ZBTB8OS: variants seen among roughly 807,000 people sequenced by gnomAD.
ZBTB8OS encodes the protein tRNA splicing ligase complex subunit 1.
Under a neutral mutation model 29.3 loss-of-function variants are expected in ZBTB8OS, and 16 were observed. That is an observed-to-expected ratio of 0.55 (90% CI 0.37 to 0.83). ZBTB8OS has a LOEUF of 0.83. Ranked by LOEUF, ZBTB8OS falls within the 40% of genes least tolerant of loss-of-function variation. ZBTB8OS has a pLI of 0.00. For synonymous variants in ZBTB8OS, 70 were observed against 64.6 expected (o/e 1.08, Z -0.40); for missense variants, 160 against 196.9 (o/e 0.81, Z 1.12).
chr1:32,647,467 G>A (rs1041625427), intron 1 of ZBTB8OS, among the ~76,000 whole-genome samples: 1 of 151,802 alleles, frequency 6.6e-6, no homozygotes, highest in African/African-American at 2.4e-5. Flanking sequence ...AGAAAGAAAG[G>A]GTCAATGCAG....
chr1:32,640,625 C>T (rs1646320838), intron 1 of ZBTB8OS, among the ~76,000 whole-genome samples: 1 of 152,108 alleles, frequency 6.6e-6, no homozygotes, highest in Admixed American at 6.6e-5. Context: ...AGTGATACTT[C>T]TGCCTCAAGT....
chr1:32,638,686 G>GTA (rs1646177973), intron 1 of ZBTB8OS, among the ~76,000 whole-genome samples: 1 of 151,968 alleles, frequency 6.6e-6, no homozygotes, highest in Non-Finnish European at 1.5e-5. Flanking sequence ...GCCAAGGTGG[G>GTA]TAGTTCACTT....
Position 32,634,733 on chromosome 1 carries a change from G to A in ZBTB8OS, c.122+35C>T, listed in dbSNP as rs201436670. Reference sequence around the variant, plus strand: ...TGAAACATTCAGTCTTCCTACTGACGTGGTTTCAAAGGAATGAACTCCCGC... The same window carrying A: ...TGAAACATTCAGTCTTCCTACTGACATGGTTTCAAAGGAATGAACTCCCGC... On this transcript the variant is annotated intron_variant, in intron 2 of 6. Transcript: ENST00000468695. 4.3e-5 allele frequency: 70 copies of A among 1,613,418 alleles called. No homozygotes were observed. In the Admixed American group the frequency reaches 6.7e-4, roughly 15 times the overall value.
chr1:32,649,724 G>T (rs1263509297), intron 1 of ZBTB8OS, among the ~76,000 whole-genome samples: 2 of 151,598 alleles, frequency 1.3e-5, no homozygotes, highest in Non-Finnish European at 1.5e-5. Context: ...GAGTGCAATG[G>T]GGCGATCTCG....
chr1:32,621,716 G>A lies in ZBTB8OS; in HGVS notation c.*146C>T, dbSNP rs1459441576. 6.2e-6 allele frequency: 4 copies of A among 649,552 alleles called. No individual in the cohort carries two copies. Among genetic ancestry groups the A allele is most frequent in the Non-Finnish European group, 1.0e-5 (4 of 382,460 alleles). 40.2% of individuals were successfully genotyped at this position (649,552 alleles called of 1,614,324 possible). A position where few individuals can be genotyped will look rare whatever the true frequency, so the allele number is the denominator to read the frequency against. On this transcript the variant is annotated 3_prime_UTR_variant, in exon 7 of 7. Coordinates refer to ENST00000468695, the MANE Select transcript of ZBTB8OS (RefSeq NM_178547.5). ...GGCTGTGCCCTGATTTTCCCTTTCT[G>A]AAAGTCACACTTTAACTAAAATATT...
intron 6 of ZBTB8OS, among the ~76,000 whole-genome samples, chr1:32,622,367 A>G (rs1302171408): frequency 6.6e-6 from 1 of 152,258 alleles, no homozygotes; most frequent in African/African-American, 2.4e-5. Context: ...TGTGACACAC[A>G]TACACCATAG....
chr1:32,634,656 T>C (rs1277561911), intron 2 of ZBTB8OS, 112 bp downstream of exon 2: 3 of 1,397,428 alleles, frequency 2.1e-6, no homozygotes, highest in South Asian at 1.2e-5. Flanking sequence ...ATTTTCATAT[T>C]GTGAAGGAAC....
At chr1:32,649,192 T>A (rs1257312322) in intron 1 of ZBTB8OS, among the ~76,000 whole-genome samples, 1 of 151,948 alleles carries the variant, frequency 6.6e-6, no homozygotes, top group African/African-American at 2.4e-5. Context: ...GGTCTGGAAC[T>A]CCTGACCTCA....
rs1028259150 is a variant in ZBTB8OS at position 32,621,144 on chromosome 1, TA to T, written c.*717del. The T allele has an allele frequency of 1.2e-4, 19 of 152,400 alleles. No individual in the cohort carries two copies. Among genetic ancestry groups the T allele is most frequent in the African/African-American group, 4.6e-4 (19 of 41,584 alleles). The allele number at this position is 152,400 out of a possible 1,614,324, so 9.4% of individuals were successfully genotyped here. On this transcript the variant is annotated 3_prime_UTR_variant, in exon 7 of 7. Coordinates refer to ENST00000468695, the MANE Select transcript of ZBTB8OS (RefSeq NM_178547.5). ...GGCCGGGCATGGTAGCTCATGCCTGTAATCGCAGTACCTTGGGAGGCCAAGG... is the reference window on the plus strand; with the variant it reads ...GGCCGGGCATGGTAGCTCATGCCTGTATCGCAGTACCTTGGGAGGCCAAGG...
At chr1:32,650,717 AC>A, upstream of ZBTB8OS, 1 of 987,178 alleles carries the variant, frequency 1.0e-6, no homozygotes, top group Non-Finnish European at 1.5e-6. Context: ...AAAAGCCAAA[AC>A]CCCATCTTCT....
rs71006347 is a variant in ZBTB8OS, at chr1:32,647,041, C to CAAAAAAAAAAAA, written c.97+3380_97+3391dup. On this transcript the variant is annotated intron_variant, in intron 1 of 6. Transcript: ENST00000468695. ...TGGGAGACAGAGCAAGATACTGTCT[C>CAAAAAAAAAAAA]AAAAAAAAAAAAAAAAAAAAAAAAA... Among the ~76,000 whole-genome samples, 9 of 39,394 alleles carry CAAAAAAAAAAAA rather than the reference C, an allele frequency of 2.3e-4. No homozygotes were observed. The East Asian group carries it at 4.5e-3, about 20-fold the overall frequency. The allele number at this position is 39,394 out of a possible 152,430, so 25.8% of individuals were successfully genotyped here. A position where few individuals can be genotyped will look rare whatever the true frequency, so the allele number is the denominator to read the frequency against.
At chr1:32,624,950 G>C (rs141309596) in intron 6 of ZBTB8OS, among the ~76,000 whole-genome samples, 3 of 150,164 alleles carry the variant, frequency 2.0e-5, no homozygotes, top group African/African-American at 7.4e-5. Context: ...GTAGCTGGGT[G>C]CAGTGGCTCA....
chr1:32,647,041 CAAAAAAAAAAA>C (rs71006347), intron 1 of ZBTB8OS, among the ~76,000 whole-genome samples: 24 of 39,388 alleles, frequency 6.1e-4, no homozygotes, highest in Non-Finnish European at 8.7e-4. Flanking sequence ...GATACTGTCT[CAAAAAAAAAAA>C]AAAAAAAAAA....
At chr1:32,647,005 G>A (rs939235860) in intron 1 of ZBTB8OS, among the ~76,000 whole-genome samples, 2 of 118,730 alleles carry the variant, frequency 1.7e-5, no homozygotes, top group African/African-American at 6.2e-5. Context: ...TGGTGCCACT[G>A]CACTCCAGCC....
intron 1 of ZBTB8OS, among the ~76,000 whole-genome samples, chr1:32,645,381 A>G (rs1277705836): frequency 6.6e-6 from 1 of 152,022 alleles, no homozygotes; most frequent in Non-Finnish European, 1.5e-5. Flanking sequence ...CATAGACAGT[A>G]GTCCCATCTA....
chr1:32,640,243 C>T (rs1374476338), intron 1 of ZBTB8OS, among the ~76,000 whole-genome samples: 1 of 151,986 alleles, frequency 6.6e-6, no homozygotes, highest in Admixed American at 6.6e-5. Context: ...ATTACAGGCG[C>T]ACGCCACCAC....
Position 32,621,791 on chromosome 1 carries a change from C to A in ZBTB8OS, c.*71G>T. The A allele has an allele frequency of 9.7e-7, 1 of 1,032,316 alleles. No homozygotes were observed. Among genetic ancestry groups the A allele is most frequent in the South Asian group, 1.4e-5 (1 of 70,308 alleles). 63.9% of individuals were successfully genotyped at this position (1,032,316 alleles called of 1,614,324 possible). Reference sequence around the variant, plus strand: ...CAAAAAAAAGCTGTAGAATTTAATTCATAGTGTCTTCTCAAAAGGAAGAGG... The same window carrying A: ...CAAAAAAAAGCTGTAGAATTTAATTAATAGTGTCTTCTCAAAAGGAAGAGG... On this transcript the variant is annotated 3_prime_UTR_variant, in exon 7 of 7. Coordinates refer to ENST00000468695, the MANE Select transcript of ZBTB8OS (RefSeq NM_178547.5).
intron 6 of ZBTB8OS, among the ~76,000 whole-genome samples, chr1:32,623,902 C>T (rs868041896): frequency 2.0e-5 from 3 of 152,188 alleles, no homozygotes; most frequent in Non-Finnish European, 2.9e-5. Context: ...ATAATCTCCA[C>T]GTGTTGTGGG....
intron 1 of ZBTB8OS, among the ~76,000 whole-genome samples, chr1:32,643,050 C>T (rs1198898321): frequency 1.4e-5 from 2 of 138,580 alleles, no homozygotes; most frequent in Non-Finnish European, 1.5e-5. Context: ...GAATTACAGA[C>T]GTGAGCCACC....
Sources: allele counts gnomAD v4.1 joint callset (sites outside exome capture counted in the v4.1 genomes callset), GRCh38; gene constraint gnomAD v4.1.1; transcripts MANE v1.5; gene names NCBI Gene and HGNC (gene_info 2026-07-23, HGNC 2026-07-21).